Variants in ZDHHC23 observed in about 807,000 individuals in gnomAD.
The protein encoded by ZDHHC23 is zDHHC palmitoyltransferase 23.
A neutral mutation model predicts 40.2 loss-of-function variants in ZDHHC23; 41 were observed. That is an observed-to-expected ratio of 1.02 (90% CI 0.79 to 1.32). The LOEUF (loss-of-function observed/expected upper bound fraction) is 1.32, where lower values mean the gene tolerates loss of function less well. Ranked by LOEUF, ZDHHC23 falls within the 40% of genes most tolerant of loss-of-function variation. The probability of loss-of-function intolerance (pLI) is 0.00; values close to 1 mark genes in which losing one functional copy is unlikely to be tolerated. For synonymous variants in ZDHHC23, 204 were observed against 210.2 expected (o/e 0.97, Z 0.26); for missense variants, 471 against 541.5 (o/e 0.87, Z 1.29).
At chr3:113,953,008 T>G (rs1938827315) in intron 2 of ZDHHC23, among the ~76,000 whole-genome samples, 1 of 152,222 alleles carries the variant, frequency 6.6e-6, no homozygotes, top group Admixed American at 6.5e-5. Context: ...AGCCTAAGTG[T>G]GCAAAACAGT....
chr3:113,955,475 C>T (rs1027537595), intron 3 of ZDHHC23, among the ~76,000 whole-genome samples: 9 of 152,036 alleles, frequency 5.9e-5, no homozygotes, highest in Non-Finnish European at 1.0e-4. Context: ...TCCTGGCATG[C>T]AGTGGGTAGA....
chr3:113,969,405 A>G (rs1940570987), downstream of ZDHHC23, among the ~76,000 whole-genome samples: 1 of 152,204 alleles, frequency 6.6e-6, no homozygotes. Flanking sequence ...TTGAGGTCTT[A>G]CACAAAAAAT....
At position 113,961,925 on chromosome 3, in the gene ZDHHC23, A is replaced by G. The variant is rs1183176481; in HGVS notation, c.*3295A>G. 6.6e-6 allele frequency: 1 copy of G among 152,664 alleles called. No homozygotes were observed. Among genetic ancestry groups the G allele is most frequent in the Non-Finnish European group, 1.5e-5 (1 of 68,042 alleles). The allele number at this position is 152,664 out of a possible 1,614,324, so 9.5% of individuals were successfully genotyped here. A position where few individuals can be genotyped will look rare whatever the true frequency, so the allele number is the denominator to read the frequency against. ...TAGTATAAGCAAAAATATAACATCT[A>G]GAAGCACAGTTTTAGCCAGGATGTT... is the stretch of plus-strand genomic sequence containing the variant. On this transcript the variant is annotated 3_prime_UTR_variant, in exon 5 of 5. Coordinates refer to ENST00000638807, the MANE Select transcript of ZDHHC23 (RefSeq NM_001320466.2).
rs1223559072 is a variant in ZDHHC23 at position 113,962,700 on chromosome 3, G to GT, written c.*4072dup. 6.6e-6 allele frequency: 1 copy of GT among 152,146 alleles called. No homozygotes were observed. Among genetic ancestry groups the GT allele is most frequent in the African/African-American group, 2.4e-5 (1 of 41,416 alleles). 9.4% of individuals were successfully genotyped at this position (152,146 alleles called of 1,614,324 possible). A position where few individuals can be genotyped will look rare whatever the true frequency, so the allele number is the denominator to read the frequency against. ...ATTTTATTGCATATCTGGGTTGGATGTTAGACTAAAGGAAACCCAGGAATA... is the reference window on the plus strand; with the variant it reads ...ATTTTATTGCATATCTGGGTTGGATGTTTAGACTAAAGGAAACCCAGGAATA... On this transcript the variant is annotated 3_prime_UTR_variant, in exon 5 of 5. Coordinates refer to ENST00000638807, the MANE Select transcript of ZDHHC23 (RefSeq NM_001320466.2).
chr3:113,966,160 A>C (rs1186617115), downstream of ZDHHC23, among the ~76,000 whole-genome samples: 1 of 152,166 alleles, frequency 6.6e-6, no homozygotes, highest in Non-Finnish European at 1.5e-5. Context: ...ACATATTTTA[A>C]AAGCCTGCTG....
intron 3 of ZDHHC23, among the ~76,000 whole-genome samples, chr3:113,955,449 T>C (rs897823205): frequency 6.6e-6 from 1 of 152,066 alleles, no homozygotes; most frequent in African/African-American, 2.4e-5. Flanking sequence ...ACAGCAGATA[T>C]GTGCCCACTG....
In ZDHHC23 at chr3:113,959,038, C is replaced by T. The variant is rs1559851416; in HGVS notation, c.*408C>T. 9.5e-7 allele frequency: 1 copy of T among 1,052,786 alleles called. No homozygotes were observed. The highest frequency in any genetic ancestry group is 1.2e-6 in the Non-Finnish European group (1 of 823,092). The allele number at this position is 1,052,786 out of a possible 1,614,324, so 65.2% of individuals were successfully genotyped here. ...GAGTCACTTTCCCAAGTCTCAGGGT[C>T]ATCTGCAAAGTGGGGTACTGATGCC... On this transcript the variant is annotated 3_prime_UTR_variant, in exon 5 of 5. Transcript: ENST00000638807.
chr3:113,949,047 G>T, intron 2 of ZDHHC23, 84 bp downstream of exon 2: 1 of 1,526,274 alleles, frequency 6.6e-7, no homozygotes, highest in Non-Finnish European at 8.9e-7. Flanking sequence ...CACCCAGAAT[G>T]CTAGAATTTG....
chr3:113,972,878 C>T, the ZDHHC23 span, among the ~76,000 whole-genome samples: 1 of 152,036 alleles, frequency 6.6e-6, no homozygotes, highest in Non-Finnish European at 1.5e-5. Context: ...TATAGCTATT[C>T]CTGCTGTGTT....
At chr3:113,949,217 C>T (rs149698357) in intron 2 of ZDHHC23, among the ~76,000 whole-genome samples, 13 of 152,254 alleles carry the variant, frequency 8.5e-5, no homozygotes, top group African/African-American at 2.6e-4. Flanking sequence ...AGAGAACAGG[C>T]AGTTTAAAGG....
intron 2 of ZDHHC23, among the ~76,000 whole-genome samples, chr3:113,949,941 G>T (rs1938505272): frequency 6.6e-6 from 1 of 152,274 alleles, no homozygotes; most frequent in East Asian, 1.9e-4. Context: ...TTTAGATTTA[G>T]TCTGAAATCT....
chr3:113,970,072 T>C (rs898843554), downstream of ZDHHC23, among the ~76,000 whole-genome samples: 5 of 152,194 alleles, frequency 3.3e-5, no homozygotes, highest in Non-Finnish European at 7.3e-5. Context: ...ACTTCCTTGG[T>C]TAAAGTGGTT....
intron 4 of ZDHHC23, among the ~76,000 whole-genome samples, chr3:113,956,944 C>A (rs1939283037): frequency 6.6e-6 from 1 of 152,208 alleles, no homozygotes; most frequent in Non-Finnish European, 1.5e-5. Context: ...CTGCTTCCGA[C>A]CCTTTTGAGA....
the ZDHHC23 span, among the ~76,000 whole-genome samples, chr3:113,976,230 G>T: frequency 6.6e-6 from 1 of 151,918 alleles, no homozygotes; most frequent in South Asian, 2.1e-4. Context: ...CTGCACTCCA[G>T]CCTGGGTGAC....
At chr3:113,972,135 G>C in the ZDHHC23 span, among the ~76,000 whole-genome samples, 21 of 151,738 alleles carry the variant, frequency 1.4e-4, no homozygotes, top group African/African-American at 5.1e-4. Flanking sequence ...GTTTGTTCTT[G>C]CTTTTCTATA....
chr3:113,972,023 T>C, the ZDHHC23 span, among the ~76,000 whole-genome samples: 2 of 152,150 alleles, frequency 1.3e-5, no homozygotes, highest in Non-Finnish European at 2.9e-5. Flanking sequence ...TCAGTTGTTA[T>C]GTCTCCTTTT....
chr3:113,961,759 G>C lies in ZDHHC23; in HGVS notation c.*3129G>C, dbSNP rs556321619. 3 of 152,564 alleles carry C rather than the reference G, an allele frequency of 2.0e-5. No individual in the cohort carries two copies. The highest frequency in any genetic ancestry group is 1.3e-4 in the Admixed American group (2 of 15,282). 9.5% of individuals were successfully genotyped at this position (152,564 alleles called of 1,614,324 possible). A position where few individuals can be genotyped will look rare whatever the true frequency, so the allele number is the denominator to read the frequency against. On this transcript the variant is annotated 3_prime_UTR_variant, in exon 5 of 5. Transcript: ENST00000638807. The stretch of plus-strand genomic sequence containing the variant: ...GTCCTTGGTACTTCTAATATTTTTA[G>C]CAAGAGACAATTTTCTGTACTAGAA...
downstream of ZDHHC23, chr3:113,964,848 G>A (rs1468075187): frequency 5.5e-6 from 1 of 180,450 alleles, no homozygotes; most frequent in African/African-American, 2.3e-5. Flanking sequence ...TTTCTTCACA[G>A]GCTCAGTCAG....
At chr3:113,956,650 G>C (rs1213147586) in intron 4 of ZDHHC23, 144 bp downstream of exon 4, 2 of 785,534 alleles carry the variant, frequency 2.5e-6, no homozygotes, top group African/African-American at 1.7e-5. Flanking sequence ...GGAATTGCCA[G>C]CAAAATTGTG....
Sources: gnomAD v4.1 joint callset for allele counts (sites outside exome capture counted in the v4.1 genomes callset) on GRCh38, gnomAD v4.1.1 for gene constraint, MANE v1.5 for transcripts, NCBI Gene and HGNC (gene_info 2026-07-23, HGNC 2026-07-21) for gene names.